SLC37A3: variants seen among roughly 807,000 people sequenced by gnomAD.
SLC37A3 encodes the protein sugar phosphate exchanger 3.
Under a neutral mutation model 67.1 loss-of-function variants are expected in SLC37A3, and 51 were observed. The observed-to-expected ratio is 0.76, with a 90% CI of 0.61 to 0.96. The LOEUF is 0.96. Ranked by LOEUF, SLC37A3 falls within the 40% of genes least tolerant of loss-of-function variation. The pLI, the probability that SLC37A3 is intolerant of heterozygous loss-of-function variation, is 0.00. For synonymous variants in SLC37A3, 214 were observed against 231.4 expected, an observed-to-expected ratio of 0.92 and a Z score of 0.68; for missense variants, 508 against 603.0, an observed-to-expected ratio of 0.84 and a Z score of 1.65.
intron 5 of SLC37A3, among the ~76,000 whole-genome samples, chr7:140,359,287 G>T (rs940699942): frequency 4.0e-5 from 6 of 150,760 alleles, no homozygotes; most frequent in African/African-American, 1.5e-4. Flanking sequence ...AGCTTGCAGT[G>T]AGCCAAGATC....
chr7:140,369,767 C>A, intron 3 of SLC37A3, 85 bp from the exon 4 acceptor site: 1 of 1,049,772 alleles, frequency 9.5e-7, no homozygotes, highest in East Asian at 2.4e-5. Flanking sequence ...CAAACACTTC[C>A]AAAGCACCAG....
chr7:140,397,146 G>A (rs1257268944), intron 1 of SLC37A3, among the ~76,000 whole-genome samples: 2 of 144,422 alleles, frequency 1.4e-5, no homozygotes, highest in Non-Finnish European at 3.0e-5. Context: ...GTTGCAGTGA[G>A]CCGAGATGGT....
chr7:140,367,452 A>G lies in SLC37A3; in HGVS notation c.291+2138T>C, dbSNP rs148563212. Among the ~76,000 whole-genome samples, 784 of 152,314 alleles carry G rather than the reference A, an allele frequency of 5.1e-3. 17 individuals are homozygous for G. Among genetic ancestry groups the G allele is most frequent in the South Asian group, 0.05 (240 of 4,830 alleles). On this transcript the variant is annotated intron_variant, in intron 4 of 14. Transcript: ENST00000326232. ...CTCCGTCTCAAAAAATAATAATACA[A>G]TAAAATTAAATAAATAAATAAAAAT...
Position 140,369,609 on chromosome 7 carries a change from A to G in SLC37A3, c.272T>C (p.Phe91Ser). The change falls in exon 4 of 15, where the codon TTC (phenylalanine) becomes TCC (serine). Residue 91 changes from phenylalanine to serine, a missense_variant. Phe to Ser is a radical substitution (Grantham distance 155). Transcript: ENST00000326232. Reference protein sequence around the residue: ...TLFLGTLDTIFLFSYAVGLFI... With the variant: ...TLFLGTLDTISLFSYAVGLFI... Reference sequence around the variant, plus strand: ...ACTTACCACAGCATAGGAGAAGAGGAAAATGGTATCCAGTGTGCCGAGGAA... The same window carrying G: ...ACTTACCACAGCATAGGAGAAGAGGGAAATGGTATCCAGTGTGCCGAGGAA... The G allele has an allele frequency of 6.2e-7, 1 of 1,613,802 alleles. No individual in the cohort carries two copies. The highest frequency in any genetic ancestry group is 1.6e-4 in the Middle Eastern group (1 of 6,062).
intron 6 of SLC37A3, among the ~76,000 whole-genome samples, chr7:140,357,076 T>C (rs950205883): frequency 1.3e-5 from 2 of 151,728 alleles, no homozygotes; most frequent in African/African-American, 4.8e-5. Flanking sequence ...TAGCTGGGCA[T>C]GGTGGCGGGC....
At chr7:140,351,001 G>C (rs1484397575) in intron 9 of SLC37A3, among the ~76,000 whole-genome samples, 1 of 152,126 alleles carries the variant, frequency 6.6e-6, no homozygotes, top group African/African-American at 2.4e-5. Context: ...GGCTTATTTT[G>C]TTCTACAAAG....
chr7:140,368,991 C>T (rs1392268899), intron 4 of SLC37A3, among the ~76,000 whole-genome samples: 2 of 152,128 alleles, frequency 1.3e-5, no homozygotes, highest in African/African-American at 4.8e-5. Flanking sequence ...CAGGTCCTGC[C>T]GCTGCTCTGC....
At chr7:140,364,375 C>T (rs369998115) in intron 5 of SLC37A3, 33 bp downstream of exon 5, 40 of 1,587,396 alleles carry the variant, frequency 2.5e-5, no homozygotes, top group Non-Finnish European at 3.1e-5. Context: ...AAATACCTGA[C>T]CAAAATAATA....
chr7:140,377,635 C>A (rs1346266184), intron 3 of SLC37A3, among the ~76,000 whole-genome samples: 2 of 152,116 alleles, frequency 1.3e-5, no homozygotes, highest in Non-Finnish European at 2.9e-5. Context: ...CAGAGCTATG[C>A]ATAAAAATGA....
In SLC37A3 at chr7:140,380,408, T is replaced by C. The variant is rs1380381268; in HGVS notation, c.90-18A>G. On this transcript the variant is annotated intron_variant, in intron 2 of 14. Transcript: ENST00000326232. ...ACGAATAACTACAAAATAGAGAGAA[T>C]ACAGATGAATGAATAGCAAAGAGAA... The C allele has an allele frequency of 6.6e-7, 1 of 1,523,162 alleles. No individual in the cohort carries two copies. Among genetic ancestry groups the C allele is most frequent in the African/African-American group, 1.4e-5 (1 of 73,188 alleles). The allele number at this position is 1,523,162 out of a possible 1,614,324, so 94.4% of individuals were successfully genotyped here.
intron 1 of SLC37A3, among the ~76,000 whole-genome samples, chr7:140,390,927 C>T (rs1205554142): frequency 6.6e-6 from 1 of 152,250 alleles, no homozygotes. Flanking sequence ...TCTACAGTGC[C>T]CTTCCTTGTC....
intron 1 of SLC37A3, among the ~76,000 whole-genome samples, chr7:140,397,978 C>T (rs1049713384): frequency 1.3e-5 from 2 of 152,224 alleles, no homozygotes; most frequent in African/African-American, 4.8e-5. Context: ...ACTGAGACCA[C>T]GCTTCTTCTC....
intron 1 of SLC37A3, among the ~76,000 whole-genome samples, chr7:140,395,195 G>A (rs868170277): frequency 2.9e-4 from 43 of 150,072 alleles, no homozygotes; most frequent in Admixed American, 7.3e-4. Context: ...GGCCAAAATG[G>A]TGAAACCCCG....
intron 13 of SLC37A3, among the ~76,000 whole-genome samples, chr7:140,338,081 G>T (rs6464693): frequency 0.4 from 61,067 of 151,698 alleles, 13,000 homozygotes; most frequent in Middle Eastern, 0.58. Context: ...TAGTAGAGAT[G>T]GGTTTTCACC....
chr7:140,347,434 G>A (rs1796609252), intron 10 of SLC37A3, among the ~76,000 whole-genome samples: 1 of 152,136 alleles, frequency 6.6e-6, no homozygotes, highest in South Asian at 2.1e-4. Context: ...GTCCTTATCA[G>A]ATAGCAGGCA....
At chr7:140,361,453 G>C (rs1226040186) in intron 5 of SLC37A3, among the ~76,000 whole-genome samples, 8 of 146,002 alleles carry the variant, frequency 5.5e-5, no homozygotes, top group Non-Finnish European at 1.2e-4. Flanking sequence ...TTCCACTCCA[G>C]CCTGGGCAAC....
At chr7:140,337,176 G>A in intron 14 of SLC37A3, 108 bp downstream of exon 14, 2 of 627,562 alleles carry the variant, frequency 3.2e-6, no homozygotes, top group South Asian at 3.2e-5. Flanking sequence ...TTTTCACAAA[G>A]GAGCCTTTAA....
intron 13 of SLC37A3, among the ~76,000 whole-genome samples, chr7:140,340,620 CTTT>C (rs776791621): frequency 2.8e-5 from 4 of 140,636 alleles, no homozygotes; most frequent in Admixed American, 7.2e-5. Context: ...GCAACTTTGT[CTTT>C]TTTTTTTTTT....
chr7:140,347,903 G>A (rs1186046509), intron 10 of SLC37A3, among the ~76,000 whole-genome samples: 2 of 152,106 alleles, frequency 1.3e-5, no homozygotes, highest in African/African-American at 4.8e-5. Context: ...ATCCTCAGCA[G>A]ATATGTTCCA....
Sources: allele counts gnomAD v4.1 joint callset (sites outside exome capture counted in the v4.1 genomes callset), GRCh38; gene constraint gnomAD v4.1.1; transcripts MANE v1.5; gene names NCBI Gene and HGNC (gene_info 2026-07-23, HGNC 2026-07-21).